Variants in TENM3 observed in about 807,000 individuals in gnomAD.
TENM3 encodes teneurin-3.
TENM3 carries 63 observed loss-of-function variants against 255.1 expected under a neutral mutation model. That is an observed-to-expected ratio of 0.25 (90% CI 0.20 to 0.30). TENM3 has a LOEUF of 0.30. TENM3 is among the 10% of genes least tolerant of loss of function. TENM3 has a pLI of 1.00. For missense variants in TENM3, 2,929 were observed against 3,461.1 expected, an observed-to-expected ratio of 0.85 and a Z score of 3.86; for synonymous variants, 1,306 against 1,322.3, an observed-to-expected ratio of 0.99 and a Z score of 0.27.
the TENM3 span, among the ~76,000 whole-genome samples, chr4:181,458,878 G>A: frequency 1.3e-5 from 2 of 151,830 alleles, no homozygotes; most frequent in Non-Finnish European, 2.9e-5. Flanking sequence ...TACAATTGTT[G>A]GTGCAGACAT....
the TENM3 span, among the ~76,000 whole-genome samples, chr4:181,645,078 T>C: frequency 6.6e-6 from 1 of 152,296 alleles, no homozygotes; most frequent in East Asian, 1.9e-4. Flanking sequence ...TTTCCAAAAA[T>C]TGGTGAATGA....
rs372246003 is a variant in TENM3, at chr4:182,738,476, A to G, written c.3311A>G (p.Tyr1104Cys). ...WEKRTAILQG[Y>C]ELDASNMGGW... Reference sequence around the variant, plus strand: ...AAGAGGACTGCCATTCTGCAGGGCTATGAATTGGATGCGTCCAACATGGGT... The same window carrying G: ...AAGAGGACTGCCATTCTGCAGGGCTGTGAATTGGATGCGTCCAACATGGGT... Residue 1104 changes from tyrosine to cysteine, a missense_variant, in exon 18 of 28, where the codon TAT becomes TGT. Transcript: ENST00000511685. The G allele has an allele frequency of 2.1e-5, 34 of 1,613,510 alleles. No individual in the cohort carries two copies. The African/African-American group carries it at 2.3e-4, about 11-fold the overall frequency.
At chr4:181,563,186 G>A in the TENM3 span, among the ~76,000 whole-genome samples, 1 of 152,176 alleles carries the variant, frequency 6.6e-6, no homozygotes. Flanking sequence ...TGAGATCAAG[G>A]TGTCGTCAGC....
rs1206736121 is a variant in TENM3 at position 182,204,254 on chromosome 4, A to G, written c.-76+59500A>G. 2.0e-5 allele frequency among the ~76,000 whole-genome samples: 3 copies of G among 152,134 alleles called. No homozygotes were observed. In the South Asian group the frequency reaches 6.2e-4, roughly 32 times the overall value. On this transcript the variant is annotated intron_variant, in intron 1 of 2. Transcript: ENST00000512480. Reference sequence around the variant, plus strand: ...CAGATTTCAAATGGTGGTGTTGCTTATAATGCTGACTGAAGCGGTGTTATC... The same window carrying G: ...CAGATTTCAAATGGTGGTGTTGCTTGTAATGCTGACTGAAGCGGTGTTATC...
intron 3 of TENM3, among the ~76,000 whole-genome samples, chr4:182,405,193 A>C (rs192173942): frequency 6.6e-6 from 1 of 152,168 alleles, no homozygotes; most frequent in Non-Finnish European, 1.5e-5. Context: ...CTGGCCTCCC[A>C]TGAGGGAAAA....
the TENM3 span, among the ~76,000 whole-genome samples, chr4:181,718,266 T>A: frequency 6.6e-6 from 1 of 152,204 alleles, no homozygotes; most frequent in Non-Finnish European, 1.5e-5. Context: ...TGGATCTTTT[T>A]CTCCTCGGCA....
chr4:182,305,472 G>A (rs1227220232), intron 1 of TENM3, among the ~76,000 whole-genome samples: 1 of 152,190 alleles, frequency 6.6e-6, no homozygotes, highest in African/African-American at 2.4e-5. Flanking sequence ...AAAACTAGGT[G>A]TAGTCAGACT....
chr4:182,152,947 A>T (rs1033410946), intron 1 of TENM3, among the ~76,000 whole-genome samples: 1 of 151,882 alleles, frequency 6.6e-6, no homozygotes, highest in African/African-American at 2.4e-5. Flanking sequence ...TCTCAAACAG[A>T]AAAGACCTAA....
chr4:182,590,554 A>AAAAAAAAG (rs1746511635), intron 3 of TENM3, among the ~76,000 whole-genome samples: 1 of 150,688 alleles, frequency 6.6e-6, no homozygotes, highest in East Asian at 2.0e-4. Context: ...AAAAAAAAAA[A>AAAAAAAAG]AAAAAAAGAA....
chr4:182,088,630 C>G, the TENM3 span, among the ~76,000 whole-genome samples: 2 of 151,994 alleles, frequency 1.3e-5, no homozygotes, highest in East Asian at 1.9e-4. Flanking sequence ...GTCAGGAGAT[C>G]AAGATCATCC....
the TENM3 span, among the ~76,000 whole-genome samples, chr4:181,860,804 C>T: frequency 1.3e-5 from 2 of 152,104 alleles, no homozygotes; most frequent in Middle Eastern, 3.2e-3. Flanking sequence ...GTTTTTTTAA[C>T]ATCATATGGA....
rs757030260 is a variant in TENM3 at position 182,792,233 on chromosome 4, C to T, written c.5602-41C>T. The T allele has an allele frequency of 1.1e-5, 17 of 1,563,086 alleles. No homozygotes were observed. In the African/African-American group the frequency reaches 1.2e-4, roughly 11 times the overall value. ...TCACTAAATCTGCTTTTGCATCTCCCGTTCACAAACACTGAGTAACAGTAT... is the reference window on the plus strand; with the variant it reads ...TCACTAAATCTGCTTTTGCATCTCCTGTTCACAAACACTGAGTAACAGTAT... On this transcript the variant is annotated intron_variant, in intron 25 of 27. Transcript: ENST00000511685. The surrounding 1 kb of genome is among the most constrained non-coding windows in gnomAD (Gnocchi z 6.3).
chr4:181,647,336 C>T, the TENM3 span, among the ~76,000 whole-genome samples: 1 of 152,010 alleles, frequency 6.6e-6, no homozygotes, highest in Non-Finnish European at 1.5e-5. Flanking sequence ...TATAAAGCTC[C>T]CAAAACAAAG....
chr4:181,807,407 G>GC, the TENM3 span, among the ~76,000 whole-genome samples: 1 of 152,216 alleles, frequency 6.6e-6, no homozygotes, highest in Non-Finnish European at 1.5e-5. Context: ...AGGCTGGAGT[G>GC]CAATGGCACA....
At chr4:181,511,733 G>A in the TENM3 span, among the ~76,000 whole-genome samples, 6 of 152,252 alleles carry the variant, frequency 3.9e-5, no homozygotes, top group African/African-American at 7.2e-5. Context: ...AGAAGAACTC[G>A]CTCTGGGGAC....
the TENM3 span, among the ~76,000 whole-genome samples, chr4:181,782,254 C>CT: frequency 1.3e-5 from 2 of 151,988 alleles, no homozygotes; most frequent in African/African-American, 2.4e-5. Context: ...TGGCCCTGGA[C>CT]TTTTTTTGGT....
intron 12 of TENM3, among the ~76,000 whole-genome samples, chr4:182,709,175 G>T (rs113487092): frequency 9.9e-5 from 15 of 151,916 alleles, no homozygotes; most frequent in African/African-American, 3.6e-4. Context: ...TAGAGTCGGG[G>T]TTTCACCATG....
rs1432810845 is a variant in TENM3, at chr4:182,779,871, C to A, written c.5304+4718C>A. ...ATAAATGTCTTCTTTTGGAAAGTGTCTGTTCGTGTCCTTCGCCCACTTTTT... is the reference window on the plus strand; with the variant it reads ...ATAAATGTCTTCTTTTGGAAAGTGTATGTTCGTGTCCTTCGCCCACTTTTT... On this transcript the variant is annotated intron_variant, in intron 24 of 27. Transcript: ENST00000511685. Among the ~76,000 whole-genome samples, 6 of 152,272 alleles carry A rather than the reference C, an allele frequency of 3.9e-5. No individual in the cohort carries two copies. The East Asian group carries it at 9.6e-4, about 24-fold the overall frequency.
the TENM3 span, among the ~76,000 whole-genome samples, chr4:181,953,254 GCCACCACCACCA>G: frequency 1.4e-5 from 2 of 147,932 alleles, no homozygotes; most frequent in Admixed American, 6.7e-5. Context: ...AATGATGATG[GCCACCACCACCA>G]CCACCACCAC....
Sources: allele counts gnomAD v4.1 joint callset (sites outside exome capture counted in the v4.1 genomes callset), GRCh38; gene constraint gnomAD v4.1.1; non-coding constraint Gnocchi (gnomAD v3.1); transcripts MANE v1.5; gene names NCBI Gene and HGNC (gene_info 2026-07-23, HGNC 2026-07-21).